The following FBXO45 variants were observed in gnomAD, a reference collection of about 807,000 sequenced individuals.
FBXO45 encodes the protein F-box protein 45.
A neutral mutation model predicts 25.5 loss-of-function variants in FBXO45; 3 were observed. The observed-to-expected ratio is 0.12, with a 90% CI of 0.05 to 0.30. The LOEUF is 0.30. FBXO45 is among the 10% of genes least tolerant of loss of function. The pLI, the probability that FBXO45 is intolerant of heterozygous loss-of-function variation, is 1.00. For synonymous variants in FBXO45, 155 were observed against 149.8 expected (o/e 1.03, Z -0.25); for missense variants, 219 against 365.0 (o/e 0.60, Z 3.26).
At chr3:196,575,216 G>A (rs1380447609) in intron 1 of FBXO45, among the ~76,000 whole-genome samples, 1 of 152,210 alleles carries the variant, frequency 6.6e-6, no homozygotes, top group African/African-American at 2.4e-5. Flanking sequence ...AGCACTTGCG[G>A]AGGCCAAGGC....
intron 2 of FBXO45, among the ~76,000 whole-genome samples, chr3:196,580,679 T>A (rs749699030): frequency 3.9e-5 from 6 of 152,222 alleles, no homozygotes; most frequent in Admixed American, 1.3e-4. Flanking sequence ...AAGTGTTGGA[T>A]TGCTTGATGT....
chr3:196,571,427 T>G (rs1312592947), intron 1 of FBXO45, among the ~76,000 whole-genome samples: 1 of 152,012 alleles, frequency 6.6e-6, no homozygotes, highest in Non-Finnish European at 1.5e-5. Context: ...GGTCTCACCT[T>G]GTTGCCTAAG....
intron 2 of FBXO45, among the ~76,000 whole-genome samples, chr3:196,580,554 A>G (rs146134279): frequency 1.2e-3 from 185 of 151,952 alleles, no homozygotes; most frequent in Non-Finnish European, 2.1e-3. Flanking sequence ...CGAACTCCCA[A>G]CCTCAAGTGA....
chr3:196,576,123 G>A (rs1451009761), intron 1 of FBXO45, among the ~76,000 whole-genome samples: 5 of 152,148 alleles, frequency 3.3e-5, no homozygotes, highest in Admixed American at 6.5e-5. Context: ...TTAAATCTGC[G>A]CTCTGCAGCT....
chr3:196,580,778 C>CT (rs1553874740), intron 2 of FBXO45, among the ~76,000 whole-genome samples: 178 of 146,550 alleles, frequency 1.2e-3, no homozygotes, highest in African/African-American at 2.3e-3. Flanking sequence ...ATTTCTTTTC[C>CT]TTTTTTTTTT....
At chr3:196,575,756 A>G (rs879397750) in intron 1 of FBXO45, among the ~76,000 whole-genome samples, 14 of 148,970 alleles carry the variant, frequency 9.4e-5, no homozygotes, top group Non-Finnish European at 2.1e-4. Flanking sequence ...GGCTCACTGC[A>G]TCCTCTGCCT....
At chr3:196,570,347 C>G (rs1735789435) in intron 1 of FBXO45, among the ~76,000 whole-genome samples, 2 of 149,366 alleles carry the variant, frequency 1.3e-5, no homozygotes, top group South Asian at 4.3e-4. Context: ...AAGCAATTGT[C>G]TTGCCTCAGC....
rs1287324916 is a variant in FBXO45, at chr3:196,587,720, CATATTA to C, written c.*3411_*3416del. The C allele has an allele frequency of 2.6e-5, 4 of 152,026 alleles. No individual in the cohort carries two copies. The highest frequency in any genetic ancestry group is 5.9e-5 in the Non-Finnish European group (4 of 68,024). The allele number at this position is 152,026 out of a possible 1,614,324, so 9.4% of individuals were successfully genotyped here. ...TAAATCCCCAAACTATGTAGATTGT[CATATTA>C]ATATTAATTTTTTTTTGTTATTTTG... On this transcript the variant is annotated 3_prime_UTR_variant, in exon 3 of 3. Coordinates refer to ENST00000311630, the MANE Select transcript of FBXO45 (RefSeq NM_001105573.2).
rs574840841 is a variant in FBXO45 at position 196,580,514 on chromosome 3, G to A, written c.675+2705G>A. Among the ~76,000 whole-genome samples the A allele has an allele frequency of 3.9e-5, 6 of 152,132 alleles. No individual in the cohort carries two copies. In the East Asian group the frequency reaches 5.8e-4, roughly 15 times the overall value. Reference sequence around the variant, plus strand: ...CATGAGCCACCATGCCTGGCGAGACGGGGTTTCTCCATGTTGGTCAGGCTG... The same window carrying A: ...CATGAGCCACCATGCCTGGCGAGACAGGGTTTCTCCATGTTGGTCAGGCTG... On this transcript the variant is annotated intron_variant, in intron 2 of 2. Coordinates refer to ENST00000311630, the MANE Select transcript of FBXO45 (RefSeq NM_001105573.2).
chr3:196,569,248 A>G lies in FBXO45; in HGVS notation c.264A>G (p.Ala88=), dbSNP rs1232612048. The G allele has an allele frequency of 5.0e-6, 8 of 1,585,922 alleles. No homozygotes were observed. Among genetic ancestry groups the G allele is most frequent in the African/African-American group, 1.3e-5 (1 of 74,276 alleles). ...VWRSLCARSL[A]EEALRTDILC... Reference sequence around the variant, plus strand: ...GGAGCCTGTGCGCCCGCAGCCTGGCAGAAGAGGCTCTGCGCACGGACATCC... The same window carrying G: ...GGAGCCTGTGCGCCCGCAGCCTGGCGGAAGAGGCTCTGCGCACGGACATCC... The change falls in exon 1 of 3, where the codon GCA becomes GCG. Residue 88 remains alanine (A), a synonymous_variant. Transcript: ENST00000311630. This position sits in a 1 kb window ranked among gnomAD's most constrained non-coding sequence, Gnocchi z 4.1.
chr3:196,575,884 C>T (rs116107046), intron 1 of FBXO45, among the ~76,000 whole-genome samples: 2,265 of 152,164 alleles, frequency 0.015, 56 homozygotes, highest in African/African-American at 0.053. Flanking sequence ...CGCCATGTTG[C>T]CCAGGCTAGT....
In FBXO45 at chr3:196,577,443, A is replaced by G; in HGVS notation, c.319-10A>G. 6.5e-7 allele frequency: 1 copy of G among 1,539,694 alleles called. No homozygotes were observed. The highest frequency in any genetic ancestry group is 1.9e-5 in the Admixed American group (1 of 54,010). On this transcript the variant is annotated splice_polypyrimidine_tract_variant and intron_variant, in intron 1 of 2. Transcript: ENST00000311630. The stretch of plus-strand genomic sequence containing the variant: ...TTGTTATTTATTTGGTCTGTTTTTC[A>G]TCTTTTTAGATACGTGCTTTTCAAC...
Position 196,584,474 on chromosome 3 carries a change from T to C in FBXO45, c.*156T>C. The C allele has an allele frequency of 1.5e-6, 1 of 649,184 alleles. No individual in the cohort carries two copies. The highest frequency in any genetic ancestry group is 3.0e-5 in the South Asian group (1 of 33,124). The allele number at this position is 649,184 out of a possible 1,614,324, so 40.2% of individuals were successfully genotyped here. On this transcript the variant is annotated 3_prime_UTR_variant, in exon 3 of 3. Coordinates refer to ENST00000311630, the MANE Select transcript of FBXO45 (RefSeq NM_001105573.2). This position sits in a 1 kb window ranked among gnomAD's most constrained non-coding sequence, Gnocchi z 4.3. ...AGCAGCTCTACAGCAGAGATTATCTTCGTGTTTCCTCTTTCTACTGGGCCA... is the reference window on the plus strand; with the variant it reads ...AGCAGCTCTACAGCAGAGATTATCTCCGTGTTTCCTCTTTCTACTGGGCCA...
chr3:196,579,664 A>G (rs912183292), intron 2 of FBXO45, among the ~76,000 whole-genome samples: 1 of 152,200 alleles, frequency 6.6e-6, no homozygotes, highest in Non-Finnish European at 1.5e-5. Context: ...AAGTCGATTG[A>G]TAATGTTCAA....
chr3:196,569,402 C>A lies in FBXO45; in HGVS notation c.318+100C>A, dbSNP rs1266396268. 4.2e-6 allele frequency: 5 copies of A among 1,201,882 alleles called. No individual in the cohort carries two copies. The Admixed American group carries it at 1.4e-4, about 33-fold the overall frequency. 74.5% of individuals were successfully genotyped at this position (1,201,882 alleles called of 1,614,324 possible). Reference sequence around the variant, plus strand: ...CTTCTGAGTCAGAAGCTTCGCCTCACCAGCCCGCCTTTCCACGGCTCCAGT... The same window carrying A: ...CTTCTGAGTCAGAAGCTTCGCCTCAACAGCCCGCCTTTCCACGGCTCCAGT... On this transcript the variant is annotated intron_variant, in intron 1 of 2. Transcript: ENST00000311630. This position sits in a 1 kb window ranked among gnomAD's most constrained non-coding sequence, Gnocchi z 4.1.
chr3:196,570,516 C>T (rs1735797534), intron 1 of FBXO45, among the ~76,000 whole-genome samples: 2 of 152,048 alleles, frequency 1.3e-5, no homozygotes, highest in Non-Finnish European at 2.9e-5. Flanking sequence ...GGATTAGAGG[C>T]GTGAGCCACC....
At position 196,569,392 on chromosome 3, in the gene FBXO45, CT is replaced by C; in HGVS notation, c.318+92del. On this transcript the variant is annotated intron_variant, in intron 1 of 2. Transcript: ENST00000311630. This position sits in a 1 kb window ranked among gnomAD's most constrained non-coding sequence, Gnocchi z 4.1. ...CTCATCCGAGCTTCTGAGTCAGAAG[CT>C]TCGCCTCACCAGCCCGCCTTTCCAC... The C allele has an allele frequency of 3.8e-6, 5 of 1,307,050 alleles. No individual in the cohort carries two copies. The highest frequency in any genetic ancestry group is 5.2e-6 in the Non-Finnish European group (5 of 970,820). The allele number at this position is 1,307,050 out of a possible 1,614,324, so 81.0% of individuals were successfully genotyped here. A position where few individuals can be genotyped will look rare whatever the true frequency, so the allele number is the denominator to read the frequency against.
chr3:196,582,765 C>A (rs1375227076), intron 2 of FBXO45, among the ~76,000 whole-genome samples: 2 of 152,002 alleles, frequency 1.3e-5, no homozygotes, highest in Non-Finnish European at 2.9e-5. Flanking sequence ...TAAGCCTATT[C>A]TATATTCTAC....
Position 196,584,794 on chromosome 3 carries a change from T to C in FBXO45, c.*476T>C, listed in dbSNP as rs943670727. ...AATATTTTTAATATATTGAGAAGCA[T>C]GGTCTGCCTGGACTGCACTTCTCTA... On this transcript the variant is annotated 3_prime_UTR_variant, in exon 3 of 3. Coordinates refer to ENST00000311630, the MANE Select transcript of FBXO45 (RefSeq NM_001105573.2). The surrounding 1 kb of genome is among the most constrained non-coding windows in gnomAD (Gnocchi z 4.3). 6.6e-6 allele frequency: 1 copy of C among 152,228 alleles called. No individual in the cohort carries two copies. Among genetic ancestry groups the C allele is most frequent in the African/African-American group, 2.4e-5 (1 of 41,428 alleles). The allele number at this position is 152,228 out of a possible 1,614,324, so 9.4% of individuals were successfully genotyped here.
Sources: gnomAD v4.1 joint callset for allele counts (sites outside exome capture counted in the v4.1 genomes callset) on GRCh38, gnomAD v4.1.1 for gene constraint, Gnocchi (gnomAD v3.1) non-coding constraint, MANE v1.5 for transcripts, NCBI Gene and HGNC (gene_info 2026-07-23, HGNC 2026-07-21) for gene names.